Variants in CHRM3 observed in about 807,000 individuals in gnomAD.
CHRM3 encodes the protein cholinergic receptor muscarinic 3, also known as muscarinic acetylcholine receptor M3.
Under a neutral mutation model 41.8 loss-of-function variants are expected in CHRM3, and 11 were observed. The observed-to-expected ratio is 0.26, with a 90% CI of 0.17 to 0.44. CHRM3 has a LOEUF of 0.44. CHRM3 is among the 20% of genes least tolerant of loss of function. The probability of loss-of-function intolerance (pLI) is 1.00; values close to 1 mark genes in which losing one functional copy is unlikely to be tolerated. For synonymous variants in CHRM3, 297 were observed against 301.4 expected (o/e 0.99, Z 0.15); for missense variants, 571 against 745.4 (o/e 0.77, Z 2.72).
At chr1:239,661,034 G>A (rs544761370) in intron 4 of CHRM3, among the ~76,000 whole-genome samples, 2 of 152,182 alleles carry the variant, frequency 1.3e-5, no homozygotes, top group South Asian at 4.1e-4. Context: ...GGGAAACTGA[G>A]GCATTTAAAA....
In CHRM3 at chr1:239,427,510, A is replaced by C. The variant is rs1037400300; in HGVS notation, c.-521+40283A>C. 9.5e-4 allele frequency among the ~76,000 whole-genome samples: 144 copies of C among 152,154 alleles called. 2 individuals are homozygous for C. Among genetic ancestry groups the C allele is most frequent in the East Asian group, 3.1e-3 (16 of 5,132 alleles). ...CAGGGAAGGAGCCTGGGGAATATAC[A>C]TGCTGACCTCCCTCTCTTGCCACCA... On this transcript the variant is annotated intron_variant, in intron 1 of 6. Transcript: ENST00000676153.
intron 6 of CHRM3, among the ~76,000 whole-genome samples, chr1:239,866,346 G>A (rs1423892223): frequency 6.6e-5 from 10 of 151,690 alleles, no homozygotes; most frequent in African/African-American, 2.4e-4. Context: ...CTTGCAGTGA[G>A]CCGAGATCCC....
intron 2 of CHRM3, among the ~76,000 whole-genome samples, chr1:239,496,802 G>A (rs1667918273): frequency 6.6e-6 from 1 of 151,974 alleles, no homozygotes; most frequent in Admixed American, 6.6e-5. Context: ...CATGTATGAT[G>A]TTCTCTGCTG....
intron 2 of CHRM3, among the ~76,000 whole-genome samples, chr1:239,502,304 C>T (rs1372581649): frequency 2.0e-5 from 3 of 152,112 alleles, no homozygotes; most frequent in Non-Finnish European, 2.9e-5. Flanking sequence ...ACTATGAACA[C>T]CTTTACGCAC....
At chr1:239,584,350 C>T (rs1425308887) in intron 3 of CHRM3, among the ~76,000 whole-genome samples, 5 of 151,868 alleles carry the variant, frequency 3.3e-5, no homozygotes, top group East Asian at 1.9e-4. Flanking sequence ...GTGATCTGCC[C>T]GCCTCAGCCT....
At chr1:239,714,808 G>A (rs1392041767) in intron 5 of CHRM3, among the ~76,000 whole-genome samples, 4 of 152,226 alleles carry the variant, frequency 2.6e-5, no homozygotes, top group Non-Finnish European at 5.9e-5. Context: ...GATGAGTTTG[G>A]GGATTTTAGA....
intron 1 of CHRM3, among the ~76,000 whole-genome samples, chr1:239,417,773 T>C (rs757798736): frequency 9.2e-5 from 14 of 152,100 alleles, no homozygotes; most frequent in Non-Finnish European, 1.9e-4. Context: ...CTAAAGACAA[T>C]TTGAAAAGCA....
At chr1:239,774,550 C>T (rs115729927) in intron 5 of CHRM3, among the ~76,000 whole-genome samples, 1,853 of 152,208 alleles carry the variant, frequency 0.012, 45 homozygotes, top group African/African-American at 0.043. Flanking sequence ...GGCATAGTTT[C>T]CATCAAATAA....
chr1:239,827,179 G>A (rs1672525821), intron 5 of CHRM3, 73 bp from the exon 6 acceptor site: 2 of 152,186 alleles, frequency 1.3e-5, no homozygotes, highest in Non-Finnish European at 2.9e-5. Context: ...GATGCTTAAT[G>A]ACTCCACCAT....
intron 5 of CHRM3, chr1:239,720,112 C>A (rs1358212386): frequency 1.3e-5 from 2 of 151,906 alleles, no homozygotes; most frequent in Admixed American, 1.3e-4. Context: ...GACTTGCAAA[C>A]CGTGTTGTAT....
In CHRM3 at chr1:239,462,420, A is replaced by T. The variant is rs531763398; in HGVS notation, c.-520-30289A>T. ...TCTTAATGCTCAAAAGGAAAAAAAA[A>T]TTTTTCATATTGTTGTTCTTCTGCC... On this transcript the variant is annotated intron_variant, in intron 1 of 6. Coordinates refer to ENST00000676153, the MANE Select transcript of CHRM3 (RefSeq NM_001375978.1). Among the ~76,000 whole-genome samples the T allele has an allele frequency of 2.2e-4, 33 of 152,220 alleles. No individual in the cohort carries two copies. The East Asian group carries it at 4.4e-3, about 20-fold the overall frequency.
intron 5 of CHRM3, among the ~76,000 whole-genome samples, chr1:239,721,800 G>A (rs1245947336): frequency 2.6e-5 from 4 of 151,762 alleles, no homozygotes; most frequent in South Asian, 2.1e-4. Context: ...TGTATCATAG[G>A]CACTCATGAA....
At chr1:239,469,444 A>G (rs1341216202) in intron 1 of CHRM3, among the ~76,000 whole-genome samples, 1 of 152,264 alleles carries the variant, frequency 6.6e-6, no homozygotes, top group Admixed American at 6.5e-5. Context: ...CGTTTGAGGA[A>G]CAAACTTTAT....
intron 6 of CHRM3, among the ~76,000 whole-genome samples, chr1:239,851,675 A>C (rs911186807): frequency 3.4e-4 from 51 of 152,198 alleles, no homozygotes; most frequent in African/African-American, 1.1e-3. Flanking sequence ...ATTGTAATAT[A>C]CTTATGGAAG....
At chr1:239,854,171 A>C (rs1180075449) in intron 6 of CHRM3, among the ~76,000 whole-genome samples, 1 of 152,152 alleles carries the variant, frequency 6.6e-6, no homozygotes, top group Non-Finnish European at 1.5e-5. Context: ...AGGCTGCCAT[A>C]GGCAATATAA....
intron 1 of CHRM3, among the ~76,000 whole-genome samples, chr1:239,491,380 C>T (rs1421097183): frequency 1.3e-5 from 2 of 152,188 alleles, no homozygotes; most frequent in Non-Finnish European, 2.9e-5. Flanking sequence ...AACCACTGTT[C>T]TATTCTATAG....
chr1:239,510,853 A>C (rs1415144509), intron 2 of CHRM3, among the ~76,000 whole-genome samples: 1 of 152,144 alleles, frequency 6.6e-6, no homozygotes, highest in Non-Finnish European at 1.5e-5. Flanking sequence ...TTATAATGTG[A>C]AATAATTTCA....
At chr1:239,877,410 C>A in intron 6 of CHRM3, among the ~76,000 whole-genome samples, 1 of 100,664 alleles carries the variant, frequency 9.9e-6, no homozygotes, top group African/African-American at 3.3e-5. Flanking sequence ...AGCAAGACCC[C>A]ATTTCTATAA....
intron 1 of CHRM3, among the ~76,000 whole-genome samples, chr1:239,476,290 A>T (rs932096208): frequency 6.6e-6 from 1 of 151,970 alleles, no homozygotes; most frequent in Non-Finnish European, 1.5e-5. Flanking sequence ...ACGTGGCGAA[A>T]CCCCGTCTCT....
Sources: gnomAD v4.1 joint callset for allele counts (sites outside exome capture counted in the v4.1 genomes callset) on GRCh38, gnomAD v4.1.1 for gene constraint, MANE v1.5 for transcripts, NCBI Gene and HGNC (gene_info 2026-07-23, HGNC 2026-07-21) for gene names.